NAV2: variants seen among roughly 807,000 people sequenced by gnomAD.
The protein encoded by NAV2 is neuron navigator 2, also known as helicase, APC down-regulated 1.
In NAV2, 54 loss-of-function variants were observed where a neutral mutation model predicts 223.2. The ratio of observed to expected loss-of-function variants is 0.24; its 90% CI spans 0.19 to 0.30. The LOEUF (loss-of-function observed/expected upper bound fraction) is 0.30. Among genes scored for constraint, NAV2 ranks in the 10% least tolerant of loss-of-function variants. The pLI is 1.00. For missense variants in NAV2, 2,806 were observed against 3,147.5 expected (o/e 0.89, Z 2.60); for synonymous variants, 1,279 against 1,239.3 (o/e 1.03, Z -0.67).
intron 11 of NAV2, among the ~76,000 whole-genome samples, chr11:19,984,912 G>A (rs2050639547): frequency 2.0e-5 from 3 of 152,164 alleles, no homozygotes; most frequent in South Asian, 4.1e-4. Context: ...TGAGGAGTTT[G>A]GACTATATGA....
In NAV2 at chr11:19,519,563, G is replaced by A. The variant is rs1487182; in HGVS notation, c.75+168536G>A. On this transcript the variant is annotated intron_variant, in intron 1 of 37. Coordinates refer to the NAV2 transcript ENST00000360655. ...CCCTCTGCCACCTAACAGAGAGTGC[G>A]TGCTCTGTAACTAGTTGCTGAATGA... 5.7e-3 allele frequency among the ~76,000 whole-genome samples: 872 copies of A among 152,278 alleles called. 38 individuals carry two copies. The highest frequency in any genetic ancestry group is 0.049 in the Admixed American group (747 of 15,304).
chr11:19,568,931 G>C (rs2045348990), intron 1 of NAV2, among the ~76,000 whole-genome samples: 1 of 152,182 alleles, frequency 6.6e-6, no homozygotes, highest in Non-Finnish European at 1.5e-5. Context: ...CTATGTGACA[G>C]GCAGCATTGG....
At chr11:19,428,896 C>T (rs997551874) in intron 1 of NAV2, among the ~76,000 whole-genome samples, 6 of 152,192 alleles carry the variant, frequency 3.9e-5, no homozygotes, top group South Asian at 4.1e-4. Context: ...AGAACCTTGA[C>T]GTGTGTGCAT....
intron 6 of NAV2, among the ~76,000 whole-genome samples, 178 bp downstream of exon 6, chr11:19,892,772 G>A (rs1478247430): frequency 6.6e-6 from 1 of 152,140 alleles, no homozygotes; most frequent in Non-Finnish European, 1.5e-5. Context: ...TAAAGTGGGG[G>A]AAAATATTGT....
intron 6 of NAV2, among the ~76,000 whole-genome samples, chr11:19,911,625 T>G (rs949774746): frequency 6.6e-6 from 1 of 152,092 alleles, no homozygotes; most frequent in Non-Finnish European, 1.5e-5. Context: ...CTCTTTGGTG[T>G]TTTATCCTGT....
chr11:19,892,541 A>T lies in NAV2; in HGVS notation c.878A>T (p.Asp293Val). ...CGCAGCCAGAGCTTTAACAACTATG[A>T]TAAATCCAAACCAGTCACCTCCCCA... ...NRRSQSFNNY[D>V]KSKPVTSPPP... Residue 293 changes from aspartate (D) to valine (V), a missense_variant, in exon 6 of 38, where the codon GAT becomes GTT. By Grantham distance (152) the Asp-to-Val change is radical. Transcript: ENST00000349880. 1 of 1,614,212 alleles carries T rather than the reference A, an allele frequency of 6.2e-7. No homozygotes were observed. The highest frequency in any genetic ancestry group is 8.5e-7 in the Non-Finnish European group (1 of 1,180,030).
intron 1 of NAV2, among the ~76,000 whole-genome samples, chr11:19,438,253 G>A (rs886932603): frequency 4.6e-5 from 7 of 152,166 alleles, no homozygotes; most frequent in South Asian, 2.1e-4. Flanking sequence ...AACCTCATGG[G>A]TACTATTGTT....
At chr11:19,608,806 G>A (rs754918695) in intron 1 of NAV2, among the ~76,000 whole-genome samples, 27 of 152,206 alleles carry the variant, frequency 1.8e-4, no homozygotes, top group African/African-American at 6.0e-4. Flanking sequence ...CTGGAGGTCC[G>A]AGTTGAAAAT....
chr11:19,945,170 CCCT>C (rs1481250908), intron 8 of NAV2, among the ~76,000 whole-genome samples: 32 of 80,662 alleles, frequency 4.0e-4, no homozygotes, highest in African/African-American at 2.2e-3. Flanking sequence ...CCCTTCCCTT[CCCT>C]TCCCTTCCCT....
At chr11:20,105,891 A>G (rs537103047) in intron 35 of NAV2, among the ~76,000 whole-genome samples, 164 bp downstream of exon 35, 33 of 151,844 alleles carry the variant, frequency 2.2e-4, no homozygotes, top group South Asian at 6.3e-4. Flanking sequence ...GTAGACCCCA[A>G]ATTGCTAGTG....
At chr11:19,846,250 A>G (rs544398471) in intron 3 of NAV2, among the ~76,000 whole-genome samples, 1 of 152,216 alleles carries the variant, frequency 6.6e-6, no homozygotes, top group Non-Finnish European at 1.5e-5. Context: ...ACAAACAATC[A>G]TCCATTGATT....
intron 11 of NAV2, among the ~76,000 whole-genome samples, chr11:20,013,460 G>A (rs1224340280): frequency 8.2e-6 from 1 of 121,320 alleles, no homozygotes; most frequent in Admixed American, 9.8e-5. Context: ...GAATGAGTTG[G>A]GCTCTTTGCC....
At chr11:20,106,167 ATATATATATGTGTGTG>A (rs1348358919) in intron 35 of NAV2, among the ~76,000 whole-genome samples, 10 of 9,746 alleles carry the variant, frequency 1.0e-3, no homozygotes, top group African/African-American at 1.2e-3. Context: ...ATATATATAT[ATATATATATGTGTGTG>A]TATATATATA....
intron 1 of NAV2, among the ~76,000 whole-genome samples, chr11:19,814,687 A>T (rs535912368): frequency 5.3e-5 from 8 of 150,998 alleles, no homozygotes; most frequent in African/African-American, 1.9e-4. Flanking sequence ...CTGGTCTTGA[A>T]CTCCTGAGCT....
At position 19,713,441 on chromosome 11, in the gene NAV2, C is replaced by G. The variant is rs1329363909; in HGVS notation, c.-255C>G. Reference sequence around the variant, plus strand: ...AAGGCCACCCAGGAGAGGTGTGAGACCCGGCGGCAGCATCCGTCCAGGTGG... The same window carrying G: ...AAGGCCACCCAGGAGAGGTGTGAGAGCCGGCGGCAGCATCCGTCCAGGTGG... On this transcript the variant is annotated 5_prime_UTR_variant, in exon 1 of 38. Coordinates refer to ENST00000349880, the MANE Select transcript of NAV2 (RefSeq NM_145117.5). This position sits in a 1 kb window ranked among gnomAD's most constrained non-coding sequence, Gnocchi z 7.2. 3 of 1,273,984 alleles carry G rather than the reference C, an allele frequency of 2.4e-6. No individual in the cohort carries two copies. Among genetic ancestry groups the G allele is most frequent in the African/African-American group, 1.5e-5 (1 of 64,676 alleles). The allele number at this position is 1,273,984 out of a possible 1,614,324, so 78.9% of individuals were successfully genotyped here.
At chr11:19,661,592 C>T (rs1411702366) in intron 1 of NAV2, among the ~76,000 whole-genome samples, 2 of 152,144 alleles carry the variant, frequency 1.3e-5, no homozygotes, top group Non-Finnish European at 2.9e-5. Context: ...GCCTCATTAG[C>T]TTTGTGCTCT....
At chr11:19,864,396 A>G (rs914735132) in intron 3 of NAV2, among the ~76,000 whole-genome samples, 16 of 152,212 alleles carry the variant, frequency 1.1e-4, no homozygotes, top group Non-Finnish European at 1.9e-4. Flanking sequence ...AACAGATGGT[A>G]TTTGATCAGT....
chr11:20,046,054 T>C (rs1483230763), intron 14 of NAV2, among the ~76,000 whole-genome samples: 2 of 152,182 alleles, frequency 1.3e-5, no homozygotes, highest in Non-Finnish European at 2.9e-5. Flanking sequence ...AGTTAGCTAC[T>C]GCTGGGCACC....
At chr11:19,832,090 C>T (rs2059976086) in intron 1 of NAV2, among the ~76,000 whole-genome samples, 1 of 152,130 alleles carries the variant, frequency 6.6e-6, no homozygotes, top group Non-Finnish European at 1.5e-5. Flanking sequence ...GTAACCTCCC[C>T]ATACGTTTTC....
Sources: gnomAD v4.1 joint callset for allele counts (sites outside exome capture counted in the v4.1 genomes callset) on GRCh38, gnomAD v4.1.1 for gene constraint, Gnocchi (gnomAD v3.1) non-coding constraint, MANE v1.5 for transcripts, NCBI Gene and HGNC (gene_info 2026-07-23, HGNC 2026-07-21) for gene names.